RFT1: variants seen among roughly 807,000 people sequenced by gnomAD.
RFT1 encodes the protein man(5)GlcNAc(2)-PP-dolichol translocation protein RFT1.
Under a neutral mutation model 62.2 loss-of-function variants are expected in RFT1, and 43 were observed. The ratio of observed to expected loss-of-function variants is 0.69; its 90% confidence interval spans 0.54 to 0.89. The LOEUF (loss-of-function observed/expected upper bound fraction) is 0.89. Among genes scored for constraint, RFT1 ranks in the 40% least tolerant of loss-of-function variants. The pLI is 0.00. For synonymous variants in RFT1, 262 were observed against 264.6 expected (o/e 0.99, Z 0.10); for missense variants, 605 against 649.9 (o/e 0.93, Z 0.75).
At chr3:53,123,216 G>A (rs903435172) in intron 3 of RFT1, among the ~76,000 whole-genome samples, 4 of 152,162 alleles carry the variant, frequency 2.6e-5, no homozygotes, top group African/African-American at 9.7e-5. Flanking sequence ...AAAAGCCATT[G>A]CAATTTTAAG....
At chr3:53,070,393 G>GTTTTTTTTTTTTTTTT in the RFT1 span, among the ~76,000 whole-genome samples, 1 of 85,448 alleles carries the variant, frequency 1.2e-5, no homozygotes, top group Non-Finnish European at 2.3e-5. Context: ...CTGTATTATG[G>GTTTTTTTTTTTTTTTT]TTTTTTTTTT....
chr3:53,106,395 G>T (rs186757439), intron 8 of RFT1, among the ~76,000 whole-genome samples: 18 of 151,750 alleles, frequency 1.2e-4, no homozygotes, highest in Admixed American at 2.6e-4. Flanking sequence ...TCCATCAACA[G>T]TACTTTCTTA....
At chr3:53,114,240 ACCTGTCC>A (rs1381467024) in intron 6 of RFT1, among the ~76,000 whole-genome samples, 1 of 152,158 alleles carries the variant, frequency 6.6e-6, no homozygotes, top group Non-Finnish European at 1.5e-5. Context: ...GCAAAGCAGG[ACCTGTCC>A]CCTTTTAAAA....
chr3:53,070,785 C>T, the RFT1 span, among the ~76,000 whole-genome samples: 1 of 150,844 alleles, frequency 6.6e-6, no homozygotes. Flanking sequence ...ACCTGTAATC[C>T]CAGCACTTTG....
At chr3:53,083,910 G>A (rs1397858205), downstream of RFT1, among the ~76,000 whole-genome samples, 2 of 152,210 alleles carry the variant, frequency 1.3e-5, no homozygotes, top group African/African-American at 4.8e-5. Flanking sequence ...CTCTAGTTCA[G>A]GAACATTAAA....
chr3:53,125,690 A>G (rs1702088959), intron 2 of RFT1, among the ~76,000 whole-genome samples: 1 of 152,250 alleles, frequency 6.6e-6, no homozygotes, highest in Non-Finnish European at 1.5e-5. Context: ...GTGCATTTGG[A>G]GGCTGCTAAT....
rs375250169 is a variant in RFT1 at position 53,122,333 on chromosome 3, T to C, written c.456+41A>G. 5 of 1,588,796 alleles carry C rather than the reference T, an allele frequency of 3.1e-6. No homozygotes were observed. The African/African-American group carries it at 5.4e-5, about 17-fold the overall frequency. Reference sequence around the variant, plus strand: ...ATTTTTAAAAAACAACGCTTTTTCTTATTCTTCCCATTTCCCATTCACAGC... The same window carrying C: ...ATTTTTAAAAAACAACGCTTTTTCTCATTCTTCCCATTTCCCATTCACAGC... On this transcript the variant is annotated intron_variant, in intron 4 of 12. Transcript: ENST00000296292.
intron 11 of RFT1, among the ~76,000 whole-genome samples, chr3:53,098,006 T>G (rs1377508976): frequency 1.3e-5 from 2 of 152,178 alleles, no homozygotes; most frequent in Admixed American, 1.3e-4. Flanking sequence ...GCATGGCATT[T>G]TTGAAAAACA....
chr3:53,093,244 C>G (rs569580622), intron 11 of RFT1, among the ~76,000 whole-genome samples: 5 of 152,188 alleles, frequency 3.3e-5, no homozygotes, highest in African/African-American at 1.2e-4. Context: ...GAAACCAAAG[C>G]CTGGATCACC....
At position 53,122,400 on chromosome 3, in the gene RFT1, G is replaced by C; in HGVS notation, c.430C>G (p.Gln144Glu). The change falls in exon 4 of 13, where the codon CAA becomes GAA. Residue 144 changes from glutamine to glutamate, a missense_variant. Physicochemically the swap from Gln to Glu is conservative, Grantham distance 29. Transcript: ENST00000296292. ...TTGAGCTTCACAAACATATGTGCTT[G>C]TGCCAAGACCCAAAAGGGCTCTCCT... is the stretch of plus-strand genomic sequence containing the variant. ...LLGEPFWVLA[Q>E]AHMFVKLKVI... 6.2e-7 allele frequency: 1 copy of C among 1,613,904 alleles called. No homozygotes were observed. Among genetic ancestry groups the C allele is most frequent in the Non-Finnish European group, 8.5e-7 (1 of 1,179,956 alleles).
At chr3:53,070,079 G>A in the RFT1 span, among the ~76,000 whole-genome samples, 1 of 152,118 alleles carries the variant, frequency 6.6e-6, no homozygotes, top group East Asian at 1.9e-4. Context: ...TCTCCCACCT[G>A]CCCCCATCCC....
At position 53,121,928 on chromosome 3, in the gene RFT1, A is replaced by T; in HGVS notation, c.457-128T>A. Reference sequence around the variant, plus strand: ...GGGGGCAGGGCACACAGCTGGACATAAGTATCAGTAACGTTTTACTTCTTG... The same window carrying T: ...GGGGGCAGGGCACACAGCTGGACATTAGTATCAGTAACGTTTTACTTCTTG... On this transcript the variant is annotated intron_variant, in intron 4 of 12. Coordinates refer to ENST00000296292, the MANE Select transcript of RFT1 (RefSeq NM_052859.4). 3 of 741,308 alleles carry T rather than the reference A, an allele frequency of 4.0e-6. No homozygotes were observed. In the South Asian group the frequency reaches 4.5e-5, roughly 11 times the overall value. The allele number at this position is 741,308 out of a possible 1,614,324, so 45.9% of individuals were successfully genotyped here.
chr3:53,103,263 C>T (rs1390469637), intron 10 of RFT1: 3 of 985,322 alleles, frequency 3.0e-6, no homozygotes, highest in Non-Finnish European at 3.6e-6. Context: ...TCTTGTCCAG[C>T]GACCTGAGAA....
Position 53,119,933 on chromosome 3 carries a change from A to G in RFT1, c.647T>C (p.Leu216Pro). Residue 216 changes from leucine (L) to proline (P), a missense_variant, in exon 6 of 13, where the codon CTT (leucine) becomes CCT (proline). Transcript: ENST00000296292. Reference protein sequence around the residue: ...GSPESTKLQTLPVSRITDLLP... With the variant: ...GSPESTKLQTPPVSRITDLLP... ...CAGATCTGTTATTCTGGAGACAGGA[A>G]GAGTTTGAAGCTTGGTTGATTCTGG... is the stretch of plus-strand genomic sequence containing the variant. 1 of 1,613,218 alleles carries G rather than the reference A, an allele frequency of 6.2e-7. No individual in the cohort carries two copies. Among genetic ancestry groups the G allele is most frequent in the Non-Finnish European group, 8.5e-7 (1 of 1,179,464 alleles).
the RFT1 span, chr3:53,078,158 CT>C: frequency 6.6e-6 from 1 of 152,244 alleles, no homozygotes; most frequent in African/African-American, 2.4e-5. Context: ...TTGGAGGACT[CT>C]GTGTCAGGAT....
At chr3:53,096,324 C>T (rs1701136726) in intron 11 of RFT1, among the ~76,000 whole-genome samples, 1 of 151,892 alleles carries the variant, frequency 6.6e-6, no homozygotes, top group African/African-American at 2.4e-5. Flanking sequence ...AACAAAAATT[C>T]TTCAATAAGG....
chr3:53,125,848 T>G, intron 2 of RFT1, 61 bp downstream of exon 2: 1 of 1,302,876 alleles, frequency 7.7e-7, no homozygotes, highest in Non-Finnish European at 1.1e-6. Flanking sequence ...AGGTACAGAG[T>G]TTGAAGAAAG....
In RFT1 at chr3:53,123,783, T is replaced by A. The variant is rs1702033022; in HGVS notation, c.207A>T (p.Ala69=). The A allele has an allele frequency of 6.2e-7, 1 of 1,614,174 alleles. No individual in the cohort carries two copies. Among genetic ancestry groups the A allele is most frequent in the South Asian group, 1.1e-5 (1 of 91,080 alleles). The change falls in exon 3 of 13, where the codon GCA becomes GCT. Residue 69 remains alanine (A), a synonymous_variant. Coordinates refer to ENST00000296292, the MANE Select transcript of RFT1 (RefSeq NM_052859.4). ...LFLAREAFRR[A]CLSGGTQRDW... is the part of the protein sequence containing the mutation. ...CTCGCTGGGTGCCCCCACTGAGACATGCTCTGCGGAAGGCCTCTCTGGCCA... is the reference window on the plus strand; with the variant it reads ...CTCGCTGGGTGCCCCCACTGAGACAAGCTCTGCGGAAGGCCTCTCTGGCCA...
rs777100628 is a variant in RFT1 at position 53,092,552 on chromosome 3, C to T, written c.1275G>A (p.Trp425Ter). The change falls in exon 12 of 13, where the codon TGG becomes TGA. Residue 425 changes from tryptophan to a stop codon, truncating the protein, a stop_gained. Transcript: ENST00000296292. LOFTEE classifies it high-confidence loss of function. ...FLVLSYLLTR[W>*]CGSVGFILAN... ...CCAAGATGAAGCCCACGCTGCCACA[C>T]CAACGGGTCAAGAGATAGGATAACA... The T allele has an allele frequency of 1.2e-6, 2 of 1,612,694 alleles. No individual in the cohort carries two copies. The highest frequency in any genetic ancestry group is 1.7e-6 in the Non-Finnish European group (2 of 1,179,612).
Sources: gnomAD v4.1 joint callset for allele counts (sites outside exome capture counted in the v4.1 genomes callset) on GRCh38, gnomAD v4.1.1 for gene constraint, MANE v1.5 for transcripts, NCBI Gene and HGNC (gene_info 2026-07-23, HGNC 2026-07-21) for gene names.